The following TINAG variants were observed in gnomAD, a reference collection of about 807,000 sequenced individuals.
TINAG encodes tubulointerstitial nephritis antigen.
In TINAG, 83 loss-of-function variants were observed where a neutral mutation model predicts 72.7. The observed-to-expected ratio is 1.14, with a 90% CI of 0.96 to 1.37. TINAG has a LOEUF of 1.37. Among genes scored for constraint, TINAG ranks in the 40% most tolerant of loss-of-function variants. The probability of loss-of-function intolerance (pLI) is 0.00; values close to 1 mark genes in which losing one functional copy is unlikely to be tolerated. For missense variants in TINAG, 685 were observed against 576.6 expected (o/e 1.19, Z -1.93); for synonymous variants, 234 against 189.9 (o/e 1.23, Z -1.91).
At chr6:54,330,172 T>C (rs945210509) in intron 4 of TINAG, among the ~76,000 whole-genome samples, 8 of 152,130 alleles carry the variant, frequency 5.3e-5, no homozygotes, top group African/African-American at 1.9e-4. Context: ...ATATACAATC[T>C]TCTCAGCACC....
intron 1 of TINAG, among the ~76,000 whole-genome samples, chr6:54,316,215 T>C (rs981101319): frequency 2.6e-5 from 4 of 152,272 alleles, no homozygotes; most frequent in Admixed American, 1.3e-4. Flanking sequence ...ACAGGACAAA[T>C]ATCAGTCCTA....
At chr6:54,375,370 A>G (rs781597014) in intron 9 of TINAG, among the ~76,000 whole-genome samples, 1 of 152,162 alleles carries the variant, frequency 6.6e-6, no homozygotes, top group Non-Finnish European at 1.5e-5. Context: ...GAGAAAATCC[A>G]GAAGAAGGTG....
chr6:54,366,390 A>G (rs551794861), intron 9 of TINAG, among the ~76,000 whole-genome samples: 1 of 151,752 alleles, frequency 6.6e-6, no homozygotes, highest in East Asian at 1.9e-4. Context: ...ATAAAAACAA[A>G]TGCAGTTTTT....
chr6:54,347,576 A>T, intron 6 of TINAG, 59 bp downstream of exon 6: 1 of 1,558,646 alleles, frequency 6.4e-7, no homozygotes, highest in Non-Finnish European at 8.7e-7. Flanking sequence ...TTGTGTTAGA[A>T]CAAGGAAAAT....
intron 9 of TINAG, among the ~76,000 whole-genome samples, chr6:54,356,862 C>T (rs1333151509): frequency 2.0e-5 from 3 of 151,518 alleles, no homozygotes; most frequent in Non-Finnish European, 4.4e-5. Flanking sequence ...CCTTTTTCTT[C>T]TCTGTAATCA....
At chr6:54,378,924 T>TTG (rs543523787) in intron 9 of TINAG, among the ~76,000 whole-genome samples, 2 of 152,036 alleles carry the variant, frequency 1.3e-5, no homozygotes, top group Non-Finnish European at 1.5e-5. Flanking sequence ...ACATTATATT[T>TTG]TGTGTGTGTG....
intron 4 of TINAG, 78 bp downstream of exon 4, chr6:54,326,994 A>G (rs1784619735): frequency 1.3e-6 from 2 of 1,586,504 alleles, no homozygotes; most frequent in African/African-American, 2.7e-5. Flanking sequence ...GCAATTATAA[A>G]TCACTAAAAT....
At chr6:54,377,869 T>G (rs1763826918) in intron 9 of TINAG, among the ~76,000 whole-genome samples, 1 of 152,158 alleles carries the variant, frequency 6.6e-6, no homozygotes, top group Non-Finnish European at 1.5e-5. Context: ...ATGAGTAGCC[T>G]TCTGGTTTTG....
chr6:54,364,172 A>G (rs1229785276), intron 9 of TINAG, among the ~76,000 whole-genome samples: 1 of 151,424 alleles, frequency 6.6e-6, no homozygotes, highest in Non-Finnish European at 1.5e-5. Context: ...GGGGAACCCA[A>G]AGGGATCATT....
intron 4 of TINAG, among the ~76,000 whole-genome samples, chr6:54,334,320 A>G (rs906658): frequency 0.26 from 39,769 of 152,034 alleles, 7,165 homozygotes; most frequent in East Asian, 0.54. Context: ...AGGCAAGATT[A>G]TTGTTTCCTG....
chr6:54,339,582 T>C (rs879549492), intron 4 of TINAG, among the ~76,000 whole-genome samples: 7 of 152,046 alleles, frequency 4.6e-5, no homozygotes, highest in Admixed American at 1.3e-4. Flanking sequence ...AAGTGGGCAA[T>C]TACATTACAT....
chr6:54,374,241 T>C (rs910526409), intron 9 of TINAG, among the ~76,000 whole-genome samples: 2 of 152,100 alleles, frequency 1.3e-5, no homozygotes, highest in African/African-American at 4.8e-5. Flanking sequence ...TCATGTGTGA[T>C]ATTAATATTT....
intron 6 of TINAG, among the ~76,000 whole-genome samples, chr6:54,348,114 CAGCTG>C (rs1192341285): frequency 6.6e-6 from 1 of 152,048 alleles, no homozygotes; most frequent in Admixed American, 6.6e-5. Flanking sequence ...AAGGAAGCTG[CAGCTG>C]ATAAAGAGTG....
intron 1 of TINAG, among the ~76,000 whole-genome samples, chr6:54,310,076 C>CATGT (rs1554200972): frequency 7.8e-6 from 1 of 127,650 alleles, no homozygotes; most frequent in African/African-American, 3.1e-5. Flanking sequence ...CTTTTTTTTC[C>CATGT]GTGTGTGTGT....
chr6:54,389,873 A>G lies in TINAG; in HGVS notation c.1379A>G (p.Glu460Gly). 1 of 1,611,110 alleles carries G rather than the reference A, an allele frequency of 6.2e-7. No individual in the cohort carries two copies. Among genetic ancestry groups the G allele is most frequent in the Non-Finnish European group, 8.5e-7 (1 of 1,178,712 alleles). ...ILRGVNESDI[E>G]KLIIAAWGQL... ...CGAGGAGTAAATGAGTCCGACATTGAAAAGTTGATTATCGCAGCTTGGGGC... is the reference window on the plus strand; with the variant it reads ...CGAGGAGTAAATGAGTCCGACATTGGAAAGTTGATTATCGCAGCTTGGGGC... Residue 460 changes from glutamate to glycine, a missense_variant, in exon 11 of 11, where the codon GAA (glutamate) becomes GGA (glycine). Physicochemically the swap from Glu to Gly is moderately conservative, Grantham distance 98. Transcript: ENST00000259782.
chr6:54,316,454 G>T (rs536519658), intron 1 of TINAG, among the ~76,000 whole-genome samples: 1 of 152,170 alleles, frequency 6.6e-6, no homozygotes, highest in Admixed American at 6.5e-5. Flanking sequence ...ATAATCTAGG[G>T]TTGATCAAAA....
At chr6:54,386,878 G>A (rs542104378) in intron 10 of TINAG, among the ~76,000 whole-genome samples, 2 of 151,998 alleles carry the variant, frequency 1.3e-5, no homozygotes, top group African/African-American at 2.4e-5. Flanking sequence ...TTCTTAAATC[G>A]GGCACAAAAT....
chr6:54,382,037 TATCTACTCACTC>T (rs1402145898), intron 10 of TINAG, among the ~76,000 whole-genome samples: 1 of 152,090 alleles, frequency 6.6e-6, no homozygotes, highest in African/African-American at 2.4e-5. Flanking sequence ...TGAGTATGAT[TATCTACTCACTC>T]ATTTTCATAT....
chr6:54,327,000 A>G, intron 4 of TINAG, 84 bp downstream of exon 4: 1 of 1,581,322 alleles, frequency 6.3e-7, no homozygotes, highest in South Asian at 1.2e-5. Context: ...ATAAATCACT[A>G]AAATAATGAG....
Sources: gnomAD v4.1 joint callset for allele counts (sites outside exome capture counted in the v4.1 genomes callset) on GRCh38, gnomAD v4.1.1 for gene constraint, MANE v1.5 for transcripts, NCBI Gene and HGNC (gene_info 2026-07-23, HGNC 2026-07-21) for gene names.